ERI2: variants seen among roughly 807,000 people sequenced by gnomAD.
ERI2 encodes the protein ERI1 exoribonuclease family member 2.
In ERI2, 35 loss-of-function variants were observed where a neutral mutation model predicts 46.8. The ratio of observed to expected loss-of-function variants is 0.75; its 90% CI spans 0.57 to 0.99. ERI2 has a LOEUF of 0.99. ERI2 is among the 50% of genes least tolerant of loss of function. The probability of loss-of-function intolerance (pLI) is 0.00; values close to 1 mark genes in which losing one functional copy is unlikely to be tolerated. For synonymous variants in ERI2, 224 were observed against 271.0 expected (o/e 0.83, Z 1.70); for missense variants, 695 against 796.2 (o/e 0.87, Z 1.53).
At chr16:20,781,200 TA>T in intron 10 of ERI2, 1 of 1,549,658 alleles carries the variant, frequency 6.5e-7, no homozygotes, top group Non-Finnish European at 8.8e-7. Flanking sequence ...AACTGGTGAA[TA>T]AAGCAACTTG....
chr16:20,802,218 T>C (rs935891822), intron 4 of ERI2, among the ~76,000 whole-genome samples: 1 of 151,838 alleles, frequency 6.6e-6, no homozygotes, highest in Non-Finnish European at 1.5e-5. Context: ...GGTGTGTACC[T>C]ATAGTCCCAG....
intron 1 of ERI2, chr16:20,806,101 C>T: frequency 7.7e-7 from 1 of 1,303,072 alleles, no homozygotes; most frequent in South Asian, 2.4e-5. Flanking sequence ...CTGCAGGGCA[C>T]TGTCACGTCC....
At chr16:20,786,201 T>G in intron 10 of ERI2, 1 of 1,599,070 alleles carries the variant, frequency 6.3e-7, no homozygotes, top group Non-Finnish European at 8.5e-7. Flanking sequence ...CAACCCAATC[T>G]GTACACTACC....
chr16:20,790,560 T>G lies in ERI2; in HGVS notation c.815+290A>C, dbSNP rs779825639. 2.1e-5 allele frequency: 34 copies of G among 1,584,344 alleles called. No homozygotes were observed. The East Asian group carries it at 3.6e-4, about 17-fold the overall frequency. The stretch of plus-strand genomic sequence containing the variant: ...CTGCGACATTAAACAAAAATTTCCT[T>G]AAATAAATTGTTCTATTTTATCCTA... On this transcript the variant is annotated intron_variant, in intron 9 of 10. Transcript: ENST00000300005. The surrounding 1 kb of genome is among the most constrained non-coding windows in gnomAD (Gnocchi z 4.0).
In ERI2 at chr16:20,800,335, T is replaced by C; in HGVS notation, c.528A>G (p.Leu176=). The change falls in exon 6 of 9, where the codon TTA becomes TTG. Residue 176 remains leucine (L), a synonymous_variant. Coordinates refer to ENST00000357967, the MANE Select transcript of ERI2 (RefSeq NM_001142725.2). ...TTGCTCTGAGATCAATCCAAGAATT[T>C]AAAAACACAGGTTTTAACAGCTGCT... is the stretch of plus-strand genomic sequence containing the variant. ...KRKQLLKPVF[L]NSWIDLRATY... is the part of the protein sequence containing the mutation. 1 of 1,610,284 alleles carries C rather than the reference T, an allele frequency of 6.2e-7. No homozygotes were observed. The highest frequency in any genetic ancestry group is 1.3e-5 in the African/African-American group (1 of 74,932).
intron 10 of ERI2, chr16:20,786,104 A>C: frequency 6.3e-7 from 1 of 1,599,918 alleles, no homozygotes; most frequent in Non-Finnish European, 8.5e-7. Context: ...ATTTTAAGGG[A>C]ATGAAAATTA....
At chr16:20,788,103 T>C (rs2080513759) in intron 10 of ERI2, among the ~76,000 whole-genome samples, 1 of 152,192 alleles carries the variant, frequency 6.6e-6, no homozygotes, top group African/African-American at 2.4e-5. Flanking sequence ...TTTATTTATT[T>C]ATTTATTTTT....
At position 20,798,694 on chromosome 16, in the gene ERI2, T is replaced by G; in HGVS notation, c.1106A>C (p.Lys369Thr). 6.4e-7 allele frequency: 1 copy of G among 1,551,686 alleles called. No homozygotes were observed. ...NEHLAFNTKS[K>T]ASTVGSELVL... ...CAATTCTGAACCAACTGTTGAAGCC[T>G]TAGATTTGGTATTAAATGCAAGATG... The change falls in exon 9 of 9, where the codon AAG becomes ACG. Residue 369 changes from lysine (K) to threonine (T), a missense_variant. Coordinates refer to ENST00000357967, the MANE Select transcript of ERI2 (RefSeq NM_001142725.2).
intron 1 of ERI2, chr16:20,806,078 A>G: frequency 8.0e-7 from 1 of 1,243,014 alleles, no homozygotes. Context: ...CCTGCCTGAG[A>G]CCTCCAACCA....
intron 10 of ERI2, among the ~76,000 whole-genome samples, chr16:20,785,814 T>C (rs1435671631): frequency 6.6e-6 from 1 of 152,172 alleles, no homozygotes; most frequent in Non-Finnish European, 1.5e-5. Flanking sequence ...AGAAATAGCA[T>C]AACAAGTATG....
downstream of ERI2, among the ~76,000 whole-genome samples, chr16:20,793,948 A>G (rs1000296370): frequency 6.6e-5 from 10 of 152,192 alleles, no homozygotes; most frequent in South Asian, 2.1e-4. Flanking sequence ...GGAAAGGTCT[A>G]TAAGTGGGTT....
chr16:20,798,238 A>G lies in ERI2; in HGVS notation c.1562T>C (p.Val521Ala), dbSNP rs1178881413. 1 of 1,551,642 alleles carries G rather than the reference A, an allele frequency of 6.4e-7. No homozygotes were observed. The highest frequency in any genetic ancestry group is 2.4e-5 in the East Asian group (1 of 40,920). ...TGAAAGAAGAGGATGTTTCCCCAAAACTAAAGGATGAGACATATTGGCATT... is the reference window on the plus strand; with the variant it reads ...TGAAAGAAGAGGATGTTTCCCCAAAGCTAAAGGATGAGACATATTGGCATT... Reference protein sequence around the residue: ...RVNANMSHPLVLGKHPLLSGG... With the variant: ...RVNANMSHPLALGKHPLLSGG... Residue 521 changes from valine (V) to alanine (A), a missense_variant, in exon 9 of 9, where the codon GTT (valine) becomes GCT (alanine). Val to Ala is a moderately conservative substitution (Grantham distance 64). Transcript: ENST00000357967.
rs1470407231 is a variant in ERI2 at position 20,790,240 on chromosome 16, C to T, written c.815+610G>A. On this transcript the variant is annotated intron_variant, in intron 9 of 10. Transcript: ENST00000300005. This position sits in a 1 kb window ranked among gnomAD's most constrained non-coding sequence, Gnocchi z 4.0. ...GCCAAGGCTGGAATATCACTGGAAG[C>T]CAGGAACCAGCCTGGGCAACATAAT... Among the ~76,000 whole-genome samples, 2 of 152,032 alleles carry T rather than the reference C, an allele frequency of 1.3e-5. No individual in the cohort carries two copies. Among genetic ancestry groups the T allele is most frequent in the Non-Finnish European group, 2.9e-5 (2 of 68,010 alleles).
At chr16:20,784,395 T>C (rs2080423335) in intron 10 of ERI2, 1 of 152,522 alleles carries the variant, frequency 6.6e-6, no homozygotes. Flanking sequence ...GGCAGCACTG[T>C]CCAAGAGCTT....
At chr16:20,791,001 C>G (rs2080585115) in intron 8 of ERI2, 1 of 1,527,748 alleles carries the variant, frequency 6.5e-7, no homozygotes, top group African/African-American at 1.4e-5. Flanking sequence ...ACTCATTTTC[C>G]TGAAATCCAG....
Position 20,790,462 on chromosome 16 carries a change from C to T in ERI2, c.815+388G>A. On this transcript the variant is annotated intron_variant, in intron 9 of 10. Transcript: ENST00000300005. This position sits in a 1 kb window ranked among gnomAD's most constrained non-coding sequence, Gnocchi z 4.0. ...ACAAAGTGAGACCTTGTCTCACACA[C>T]ACAAAATTTTTTTTAAGTCTTCATT... is the stretch of plus-strand genomic sequence containing the variant. 2 of 890,116 alleles carry T rather than the reference C, an allele frequency of 2.2e-6. No homozygotes were observed. The highest frequency in any genetic ancestry group is 1.7e-5 in the African/African-American group (1 of 59,052). 55.1% of individuals were successfully genotyped at this position (890,116 alleles called of 1,614,324 possible). A position where few individuals can be genotyped will look rare whatever the true frequency, so the allele number is the denominator to read the frequency against.
At chr16:20,781,773 G>C in intron 10 of ERI2, 1 of 1,609,446 alleles carries the variant, frequency 6.2e-7, no homozygotes, top group Non-Finnish European at 8.5e-7. Flanking sequence ...TGCTTGTACA[G>C]AATGATATAA....
chr16:20,796,481 C>A lies in ERI2; in HGVS notation c.*1243G>T, dbSNP rs1008422711. The A allele has an allele frequency of 1.2e-6, 2 of 1,612,252 alleles. No individual in the cohort carries two copies. The highest frequency in any genetic ancestry group is 2.7e-5 in the African/African-American group (2 of 74,730). On this transcript the variant is annotated 3_prime_UTR_variant, in exon 9 of 9. Transcript: ENST00000357967. ...AAAAACTACAGCACCTTACAAATAT[C>A]CCAGAAAGGTAGGCATCCTAATTAT...
intron 1 of ERI2, chr16:20,806,203 C>T (rs1449577381): frequency 7.2e-7 from 1 of 1,397,500 alleles, no homozygotes; most frequent in Non-Finnish European, 9.3e-7. Flanking sequence ...TCCTGTCACC[C>T]TCGGGTAGAA....
Sources: gnomAD v4.1 joint callset for allele counts (sites outside exome capture counted in the v4.1 genomes callset) on GRCh38, gnomAD v4.1.1 for gene constraint, Gnocchi (gnomAD v3.1) non-coding constraint, MANE v1.5 for transcripts, NCBI Gene and HGNC (gene_info 2026-07-23, HGNC 2026-07-21) for gene names.